The following PARP8 variants were observed in gnomAD, a reference collection of about 807,000 sequenced individuals.
The protein encoded by PARP8 is protein mono-ADP-ribosyltransferase PARP8.
PARP8 carries 51 observed loss-of-function variants against 124.1 expected under a neutral mutation model. That is an observed-to-expected ratio of 0.41 (90% CI 0.33 to 0.52). The LOEUF is 0.52. PARP8 is among the 20% of genes least tolerant of loss of function. PARP8 has a pLI of 0.21. For synonymous variants in PARP8, 391 were observed against 361.5 expected (o/e 1.08, Z -0.93); for missense variants, 860 against 1,018.9 (o/e 0.84, Z 2.12).
chr5:50,783,973 A>G (rs1048338306), intron 9 of PARP8, among the ~76,000 whole-genome samples: 1 of 152,162 alleles, frequency 6.6e-6, no homozygotes, highest in African/African-American at 2.4e-5. Flanking sequence ...TTTTACAGTG[A>G]TATTTACAAA....
intron 2 of PARP8, among the ~76,000 whole-genome samples, chr5:50,721,662 T>A (rs1270190178): frequency 6.6e-6 from 1 of 152,116 alleles, no homozygotes; most frequent in East Asian, 1.9e-4. Flanking sequence ...ATGAGATTGA[T>A]GATGTTCTGT....
At chr5:50,833,073 A>G (rs1340936639) in intron 23 of PARP8, among the ~76,000 whole-genome samples, 1 of 152,194 alleles carries the variant, frequency 6.6e-6, no homozygotes, top group Non-Finnish European at 1.5e-5. Context: ...TACCAGAGAT[A>G]CTCCTAGGCA....
intron 2 of PARP8, among the ~76,000 whole-genome samples, chr5:50,703,717 C>G (rs940045879): frequency 5.9e-5 from 9 of 151,956 alleles, no homozygotes; most frequent in African/African-American, 2.2e-4. Flanking sequence ...CGTTTTCCAA[C>G]CTGGGCAATG....
intron 2 of PARP8, among the ~76,000 whole-genome samples, chr5:50,746,963 G>C (rs1758606898): frequency 6.6e-6 from 1 of 152,046 alleles, no homozygotes; most frequent in African/African-American, 2.4e-5. Context: ...AGGAGTTTGA[G>C]GTTACAGTGA....
intron 18 of PARP8, 75 bp from the exon 19 acceptor site, chr5:50,826,680 C>A: frequency 6.7e-7 from 1 of 1,485,004 alleles, no homozygotes. Context: ...AAGTTTTAAT[C>A]GGTTGCCAAC....
At chr5:50,731,718 G>A (rs2149519196) in intron 2 of PARP8, among the ~76,000 whole-genome samples, 1 of 152,232 alleles carries the variant, frequency 6.6e-6, no homozygotes, top group East Asian at 1.9e-4. Context: ...ACAGAACTTA[G>A]TCTCATGAGT....
At chr5:50,742,907 G>T (rs2149537345) in intron 2 of PARP8, among the ~76,000 whole-genome samples, 1 of 152,296 alleles carries the variant, frequency 6.6e-6, no homozygotes, top group East Asian at 1.9e-4. Flanking sequence ...TGTGGAGAGA[G>T]CAGTTAGGTA....
At chr5:50,822,514 A>G in intron 17 of PARP8, 114 bp downstream of exon 17, 1 of 786,530 alleles carries the variant, frequency 1.3e-6, no homozygotes. Context: ...TTTGTGCGGT[A>G]TTAAGATGTT....
intron 3 of PARP8, among the ~76,000 whole-genome samples, chr5:50,751,192 G>C (rs899759056): frequency 6.6e-6 from 1 of 152,154 alleles, no homozygotes; most frequent in Non-Finnish European, 1.5e-5. Flanking sequence ...ATGTATGGTA[G>C]AAGATGCCTT....
rs777715393 is a variant in PARP8, at chr5:50,741,871, G to A, written c.147-8280G>A. 3.9e-5 allele frequency: 17 copies of A among 440,396 alleles called. 1 individual carries two copies. Among genetic ancestry groups the A allele is most frequent in the East Asian group, 2.2e-4 (3 of 13,950 alleles). The allele number at this position is 440,396 out of a possible 1,614,324, so 27.3% of individuals were successfully genotyped here. On this transcript the variant is annotated intron_variant, in intron 2 of 25. Coordinates refer to ENST00000281631, the MANE Select transcript of PARP8 (RefSeq NM_024615.4). Reference sequence around the variant, plus strand: ...TGTTGCCCAGGCCGGGTGCAATAGCGCGATCTCAGCTCACTGCAACCTCCG... The same window carrying A: ...TGTTGCCCAGGCCGGGTGCAATAGCACGATCTCAGCTCACTGCAACCTCCG...
Position 50,779,738 on chromosome 5 carries a change from T to A in PARP8, c.670+1088T>A, listed in dbSNP as rs1740455250. On this transcript the variant is annotated intron_variant, in intron 9 of 25. Transcript: ENST00000281631. Reference sequence around the variant, plus strand: ...GGCATCTTTAATCTGACACACATGTTACTATGATGTCTGCATGTTTTTCCT... The same window carrying A: ...GGCATCTTTAATCTGACACACATGTAACTATGATGTCTGCATGTTTTTCCT... Among the ~76,000 whole-genome samples, 4 of 152,236 alleles carry A rather than the reference T, an allele frequency of 2.6e-5. No individual in the cohort carries two copies. In the South Asian group the frequency reaches 8.3e-4, roughly 31 times the overall value.
chr5:50,787,235 A>G (rs1421843434), intron 9 of PARP8, among the ~76,000 whole-genome samples: 1 of 152,084 alleles, frequency 6.6e-6, no homozygotes, highest in Non-Finnish European at 1.5e-5. Flanking sequence ...TTGTTGCAAT[A>G]AGTTCCTGAC....
intron 2 of PARP8, among the ~76,000 whole-genome samples, chr5:50,739,709 C>CATATATAT (rs372997958): frequency 3.0e-5 from 3 of 101,040 alleles, no homozygotes; most frequent in African/African-American, 1.3e-4. Flanking sequence ...TGGGTATATA[C>CATATATAT]ATATATATAT....
intron 25 of PARP8, among the ~76,000 whole-genome samples, chr5:50,839,994 A>G (rs959674842): frequency 2.0e-4 from 30 of 151,756 alleles, no homozygotes; most frequent in African/African-American, 7.3e-4. Flanking sequence ...GATGGAGGCC[A>G]TTTTTCTATC....
In PARP8 at chr5:50,830,291, T is replaced by G. The variant is rs2149715353; in HGVS notation, c.2233+330T>G. On this transcript the variant is annotated intron_variant, in intron 22 of 25. Transcript: ENST00000281631. ...AGTACACATACATAATATCTTTAAG[T>G]GTAATTCTATATCATGCTAATTTCT... Among the ~76,000 whole-genome samples the G allele has an allele frequency of 2.6e-5, 4 of 152,318 alleles. No homozygotes were observed. The South Asian group carries it at 8.3e-4, about 32-fold the overall frequency.
chr5:50,744,273 G>T (rs1465587134), intron 2 of PARP8, among the ~76,000 whole-genome samples: 1 of 152,166 alleles, frequency 6.6e-6, no homozygotes, highest in Non-Finnish European at 1.5e-5. Context: ...GACTCTATCT[G>T]TTCTTAGCTC....
intron 6 of PARP8, 25 bp from the exon 7 acceptor site, chr5:50,763,123 C>T (rs749909592): frequency 6.4e-6 from 10 of 1,568,206 alleles, no homozygotes; most frequent in East Asian, 2.2e-5. Flanking sequence ...TTCTGAGACA[C>T]TTTTAAATTA....
rs564951916 is a variant in PARP8 at position 50,753,251 on chromosome 5, A to AC, written c.184+3065dup. Among the ~76,000 whole-genome samples, 18 of 152,074 alleles carry AC rather than the reference A, an allele frequency of 1.2e-4. No individual in the cohort carries two copies. The South Asian group carries it at 3.5e-3, about 30-fold the overall frequency. On this transcript the variant is annotated intron_variant, in intron 3 of 25. Coordinates refer to ENST00000281631, the MANE Select transcript of PARP8 (RefSeq NM_024615.4). ...TTTCCACTTTTAATTAGAAAGGCTT[A>AC]CCTACTGTTGGGAGTGGACTCTCTT...
chr5:50,694,065 T>C (rs1307280731), intron 2 of PARP8, among the ~76,000 whole-genome samples: 1 of 152,202 alleles, frequency 6.6e-6, no homozygotes, highest in Admixed American at 6.5e-5. Flanking sequence ...CCTCTTTCTG[T>C]ACCATTCTTT....
Sources: gnomAD v4.1 joint callset for allele counts (sites outside exome capture counted in the v4.1 genomes callset) on GRCh38, gnomAD v4.1.1 for gene constraint, MANE v1.5 for transcripts, NCBI Gene and HGNC (gene_info 2026-07-23, HGNC 2026-07-21) for gene names.